The following MAPK10 variants were observed in gnomAD, a reference collection of about 807,000 sequenced individuals.
MAPK10 encodes mitogen-activated protein kinase 10, also known as JNK3 alpha protein kinase.
In MAPK10, 25 loss-of-function variants were observed where a neutral mutation model predicts 59.3. The ratio of observed to expected loss-of-function variants is 0.42; its 90% CI spans 0.31 to 0.59. MAPK10 has a LOEUF of 0.59. MAPK10 is among the 20% of genes least tolerant of loss of function. MAPK10 has a pLI of 0.15. For synonymous variants in MAPK10, 190 were observed against 200.5 expected, an observed-to-expected ratio of 0.95 and a Z score of 0.44; for missense variants, 351 against 568.9, an observed-to-expected ratio of 0.62 and a Z score of 3.90.
intron 1 of MAPK10, among the ~76,000 whole-genome samples, chr4:86,385,563 A>C (rs1741348056): frequency 1.3e-5 from 2 of 152,226 alleles, no homozygotes; most frequent in African/African-American, 4.8e-5. Flanking sequence ...TATCTTTAAT[A>C]TGAACTGATA....
chr4:86,233,150 G>T (rs1193830450), intron 2 of MAPK10, among the ~76,000 whole-genome samples: 13 of 152,154 alleles, frequency 8.5e-5, no homozygotes, highest in African/African-American at 2.9e-4. Context: ...AAAGCTCTTG[G>T]CATCACAGAA....
intron 1 of MAPK10, among the ~76,000 whole-genome samples, chr4:86,479,472 A>AT (rs1159730054): frequency 7.1e-5 from 8 of 113,452 alleles, no homozygotes; most frequent in African/African-American, 2.2e-4. Flanking sequence ...TGCACCCCCC[A>AT]CCAAAAAAAA....
chr4:86,194,811 A>G (rs1024488163), intron 2 of MAPK10, among the ~76,000 whole-genome samples: 1 of 151,870 alleles, frequency 6.6e-6, no homozygotes, highest in African/African-American at 2.4e-5. Flanking sequence ...ATAATTTATA[A>G]TAGAATTCTA....
At chr4:86,148,393 G>C (rs1409410168) in intron 4 of MAPK10, among the ~76,000 whole-genome samples, 1 of 152,164 alleles carries the variant, frequency 6.6e-6, no homozygotes, top group African/African-American at 2.4e-5. Context: ...CAGCACATTT[G>C]AGAACAATGA....
Position 86,317,120 on chromosome 4 carries a change from C to A in MAPK10, c.-7+37410G>T, listed in dbSNP as rs140866902. On this transcript the variant is annotated intron_variant, in intron 2 of 13. Transcript: ENST00000641462. ...TTGTCCTTCCAAGAGGCGTGCCCAC[C>A]ACTGCCACCCAGTATGCTGCATTCT... Among the ~76,000 whole-genome samples, 429 of 152,212 alleles carry A rather than the reference C, an allele frequency of 2.8e-3. 1 individual carries two copies. Among genetic ancestry groups the A allele is most frequent in the Non-Finnish European group, 4.7e-3 (318 of 68,022 alleles).
Position 86,067,759 on chromosome 4 carries a change from C to T in MAPK10, c.985+14G>A. ...CCCTCATAGTTGTCCTCAAGTCATT[C>T]CTGAAGGGCATACCTTTGAGTTTAT... On this transcript the variant is annotated intron_variant, in intron 10 of 13. Transcript: ENST00000641462. The T allele has an allele frequency of 6.3e-7, 1 of 1,599,886 alleles. No homozygotes were observed.
chr4:86,467,251 A>G (rs369461630), intron 1 of MAPK10, among the ~76,000 whole-genome samples: 2 of 152,256 alleles, frequency 1.3e-5, no homozygotes, highest in East Asian at 1.9e-4. Flanking sequence ...CAAGTGTCGC[A>G]TAATCAAATT....
intron 1 of MAPK10, among the ~76,000 whole-genome samples, chr4:86,371,337 C>T (rs1738719057): frequency 1.3e-5 from 2 of 152,170 alleles, no homozygotes; most frequent in Non-Finnish European, 2.9e-5. Context: ...TTATCTCTAA[C>T]ATCTATCAAC....
At chr4:86,240,877 C>T (rs1347139852) in intron 2 of MAPK10, among the ~76,000 whole-genome samples, 1 of 152,084 alleles carries the variant, frequency 6.6e-6, no homozygotes, top group Non-Finnish European at 1.5e-5. Context: ...TTGATACTAT[C>T]GTTATGATGC....
chr4:86,206,820 G>C (rs1344421204), intron 2 of MAPK10, among the ~76,000 whole-genome samples: 1 of 152,116 alleles, frequency 6.6e-6, no homozygotes, highest in African/African-American at 2.4e-5. Context: ...TTTTTCATGT[G>C]TTTGTTGGCT....
chr4:86,391,864 C>T (rs1742234431), intron 1 of MAPK10, among the ~76,000 whole-genome samples: 1 of 152,146 alleles, frequency 6.6e-6, no homozygotes, highest in Non-Finnish European at 1.5e-5. Flanking sequence ...ATTCTCAGGC[C>T]AATTGCTTCA....
chr4:86,577,683 G>C lies in MAPK10; in HGVS notation c.-263+16227C>G, dbSNP rs555742060. Among the ~76,000 whole-genome samples, 13 of 152,192 alleles carry C rather than the reference G, an allele frequency of 8.5e-5. No homozygotes were observed. In the South Asian group the frequency reaches 1.0e-3, roughly 12 times the overall value. ...TTTACTCCAGAAGGAAAATAAAATA[G>C]CCCAAGAAAATTAATATAATCCAAA... On this transcript the variant is annotated intron_variant, in intron 1 of 4. Transcript: ENST00000502302.
At chr4:86,157,978 C>T (rs557664316) in intron 4 of MAPK10, among the ~76,000 whole-genome samples, 2 of 151,950 alleles carry the variant, frequency 1.3e-5, no homozygotes, top group African/African-American at 4.8e-5. Context: ...AAAACTTTCT[C>T]ATGTTAATAT....
At chr4:86,509,973 T>C (rs1335369169) in intron 1 of MAPK10, among the ~76,000 whole-genome samples, 1 of 152,238 alleles carries the variant, frequency 6.6e-6, no homozygotes, top group Non-Finnish European at 1.5e-5. Context: ...TAAAATCTGG[T>C]GTACTTGGCT....
intron 1 of MAPK10, among the ~76,000 whole-genome samples, chr4:86,504,742 T>G (rs1014471981): frequency 6.6e-6 from 1 of 152,026 alleles, no homozygotes; most frequent in Non-Finnish European, 1.5e-5. Flanking sequence ...TGTTTCAAAT[T>G]CTAAATCATC....
intron 2 of MAPK10, among the ~76,000 whole-genome samples, chr4:86,279,109 A>G (rs923526237): frequency 1.3e-5 from 2 of 152,156 alleles, no homozygotes; most frequent in African/African-American, 4.8e-5. Flanking sequence ...ATGTATGGGA[A>G]CTGTTCATAT....
At chr4:86,131,016 A>G (rs1487577047) in intron 4 of MAPK10, among the ~76,000 whole-genome samples, 2 of 152,168 alleles carry the variant, frequency 1.3e-5, no homozygotes, top group Non-Finnish European at 2.9e-5. Flanking sequence ...GAAAGCTTAT[A>G]AATGGGATAG....
At chr4:86,224,094 T>C (rs1450989261) in intron 2 of MAPK10, among the ~76,000 whole-genome samples, 1 of 137,528 alleles carries the variant, frequency 7.3e-6, no homozygotes, top group African/African-American at 3.3e-5. Context: ...AATGTAGGAA[T>C]TGGAACCCTA....
intron 1 of MAPK10, among the ~76,000 whole-genome samples, chr4:86,396,102 T>C (rs1238956156): frequency 6.6e-6 from 1 of 152,130 alleles, no homozygotes; most frequent in Non-Finnish European, 1.5e-5. Context: ...TCCCAGCACT[T>C]TGGGAGGCCG....
Sources: gnomAD v4.1 joint callset for allele counts (sites outside exome capture counted in the v4.1 genomes callset) on GRCh38, gnomAD v4.1.1 for gene constraint, MANE v1.5 for transcripts, NCBI Gene and HGNC (gene_info 2026-07-23, HGNC 2026-07-21) for gene names.